APTX: variants seen among roughly 807,000 people sequenced by gnomAD.
APTX encodes forkhead-associated domain histidine triad-like protein.
APTX carries 33 observed loss-of-function variants against 42.3 expected under a neutral mutation model. The observed-to-expected ratio is 0.78, with a 90% CI of 0.59 to 1.04. The LOEUF (loss-of-function observed/expected upper bound fraction) is 1.04, where lower values mean the gene tolerates loss of function less well. APTX is among the 50% of genes least tolerant of loss of function. The pLI is 0.00. For missense variants in APTX, 421 were observed against 415.1 expected (o/e 1.01, Z -0.12); for synonymous variants, 130 against 146.7 (o/e 0.89, Z 0.82).
At chr9:33,022,741 T>C (rs1376713704) in intron 1 of APTX, among the ~76,000 whole-genome samples, 1 of 152,268 alleles carries the variant, frequency 6.6e-6, no homozygotes, top group Non-Finnish European at 1.5e-5. Flanking sequence ...AAACAGCTTG[T>C]ATAATGATCC....
At position 32,986,022 on chromosome 9, in the gene APTX, C is replaced by G. The variant is rs1303491074; in HGVS notation, c.492G>C (p.Leu164=). Residue 164 remains leucine (L), a synonymous_variant, in exon 5 of 8, where the codon CTG becomes CTC. Coordinates refer to ENST00000379817, the MANE Select transcript of APTX (RefSeq NM_001195248.2). Reference sequence around the variant, plus strand: ...TCTTCAAGCCTTGACTCCAGTGGCCCAGGGATTCCTAAAAAAAAAACAAAA... The same window carrying G: ...TCTTCAAGCCTTGACTCCAGTGGCCGAGGGATTCCTAAAAAAAAAACAAAA... ...GKDAPIKKES[L]GHWSQGLKIS... is the part of the protein sequence containing the mutation. 1.4e-6 allele frequency: 2 copies of G among 1,467,358 alleles called. No homozygotes were observed. The highest frequency in any genetic ancestry group is 1.8e-6 in the Non-Finnish European group (2 of 1,081,750). 90.9% of individuals were successfully genotyped at this position (1,467,358 alleles called of 1,614,324 possible). A position where few individuals can be genotyped will look rare whatever the true frequency, so the allele number is the denominator to read the frequency against.
intron 6 of APTX, 66 bp downstream of exon 6, chr9:32,984,565 C>T: frequency 6.6e-7 from 1 of 1,526,380 alleles, no homozygotes; most frequent in Admixed American, 1.7e-5. Flanking sequence ...CTCAGCAAGC[C>T]CAGGCTGAAT....
chr9:32,984,995 G>C (rs1831595871), intron 5 of APTX, 138 bp from the exon 6 acceptor site: 2 of 768,986 alleles, frequency 2.6e-6, no homozygotes. Context: ...AGAGAGGAGA[G>C]CACTGAAATT....
At chr9:33,000,949 G>A (rs1448370486) in intron 1 of APTX, among the ~76,000 whole-genome samples, 1 of 143,504 alleles carries the variant, frequency 7.0e-6, no homozygotes, top group African/African-American at 2.6e-5. Flanking sequence ...CCGGGTTCAA[G>A]AACGTCTCCT....
At position 32,973,330 on chromosome 9, in the gene APTX, G is replaced by T. The variant is rs1478275170; in HGVS notation, c.*168C>A. The T allele has an allele frequency of 8.6e-6, 7 of 813,412 alleles. No individual in the cohort carries two copies. Among genetic ancestry groups the T allele is most frequent in the African/African-American group, 3.4e-5 (2 of 59,190 alleles). 50.4% of individuals were successfully genotyped at this position (813,412 alleles called of 1,614,324 possible). A position where few individuals can be genotyped will look rare whatever the true frequency, so the allele number is the denominator to read the frequency against. ...ACAAACCCAAATTCCTAATCCTGAA[G>T]TACTTTGAGCCACTCTACATTGTGG... On this transcript the variant is annotated 3_prime_UTR_variant, in exon 8 of 8. Transcript: ENST00000379817.
At chr9:32,982,749 C>T (rs558044149) in intron 6 of APTX, among the ~76,000 whole-genome samples, 6 of 152,266 alleles carry the variant, frequency 3.9e-5, no homozygotes, top group South Asian at 2.1e-4. Context: ...ACGATCACTA[C>T]GTGAAAAGGG....
At chr9:32,973,780 G>T in intron 7 of APTX, 128 bp from the exon 8 acceptor site, 4 of 1,251,532 alleles carry the variant, frequency 3.2e-6, no homozygotes, top group Non-Finnish European at 2.3e-6. Flanking sequence ...CTACAGCTCC[G>T]TAAGCTTAGT....
chr9:33,015,876 T>C (rs945803136), intron 1 of APTX: 16 of 152,176 alleles, frequency 1.1e-4, no homozygotes, highest in Non-Finnish European at 2.2e-4. Context: ...GACAACAAGA[T>C]TATGGGGCAA....
At chr9:32,989,938 T>C in intron 1 of APTX, 43 bp from the exon 2 acceptor site, 1 of 1,590,694 alleles carries the variant, frequency 6.3e-7, no homozygotes, top group Non-Finnish European at 8.6e-7. Context: ...ACAGATCCAC[T>C]AGCACGAGTC....
intron 7 of APTX, 90 bp downstream of exon 7, chr9:32,974,368 G>T: frequency 1.2e-6 from 1 of 869,058 alleles, no homozygotes; most frequent in Non-Finnish European, 1.9e-6. Flanking sequence ...GGTTTTTGAG[G>T]TCAGACTGTT....
chr9:32,998,415 C>T (rs1046882338), intron 1 of APTX, among the ~76,000 whole-genome samples: 3 of 152,092 alleles, frequency 2.0e-5, no homozygotes, highest in African/African-American at 7.2e-5. Flanking sequence ...AGCTTCACAT[C>T]CACATGTATG....
intron 1 of APTX, chr9:33,019,803 C>A: frequency 1.6e-6 from 1 of 631,820 alleles, no homozygotes; most frequent in Non-Finnish European, 2.7e-6. Context: ...CAACAGTCTT[C>A]AGCTTTCCAG....
intron 1 of APTX, among the ~76,000 whole-genome samples, chr9:32,995,398 A>G (rs982663674): frequency 1.3e-5 from 2 of 152,224 alleles, no homozygotes; most frequent in African/African-American, 2.4e-5. Flanking sequence ...CAAGACTTCA[A>G]TGGAGGAAGT....
chr9:33,014,857 T>C (rs151262717), intron 1 of APTX, among the ~76,000 whole-genome samples: 4 of 152,358 alleles, frequency 2.6e-5, no homozygotes, highest in Non-Finnish European at 5.9e-5. Flanking sequence ...GCTCCTCACA[T>C]AACACAATGT....
At chr9:32,987,911 C>G in intron 3 of APTX, 65 bp from the exon 4 acceptor site, 2 of 1,576,572 alleles carry the variant, frequency 1.3e-6, no homozygotes, top group Non-Finnish European at 1.7e-6. Flanking sequence ...AAGATAGCCA[C>G]TGCTATGTTA....
At chr9:32,977,536 T>TG (rs1039370188) in intron 6 of APTX, among the ~76,000 whole-genome samples, 9 of 143,102 alleles carry the variant, frequency 6.3e-5, no homozygotes, top group African/African-American at 1.6e-4. Context: ...TTTATAAAAA[T>TG]GGGGGGGAAA....
intron 1 of APTX, among the ~76,000 whole-genome samples, chr9:33,021,977 A>G (rs748073838): frequency 4.0e-4 from 60 of 151,362 alleles, no homozygotes; most frequent in Non-Finnish European, 6.8e-4. Flanking sequence ...AAAAAAAAAA[A>G]AGGGAAACAA....
At chr9:32,990,015 T>G in intron 1 of APTX, 120 bp from the exon 2 acceptor site, 3 of 1,228,102 alleles carry the variant, frequency 2.4e-6, no homozygotes, top group Non-Finnish European at 3.5e-6. Flanking sequence ...GGCAAGTGAC[T>G]TCACCACCCT....
rs1235744690 is a variant in APTX, at chr9:32,972,932, G to C, written c.*566C>G. On this transcript the variant is annotated 3_prime_UTR_variant, in exon 8 of 8. Coordinates refer to ENST00000379817, the MANE Select transcript of APTX (RefSeq NM_001195248.2). ...TTTTCTCACTGTGAAGAACTGATGA[G>C]ACAGAATTCCTGAGAAGGGAACATT... The C allele has an allele frequency of 2.2e-6, 1 of 453,954 alleles. No individual in the cohort carries two copies. Among genetic ancestry groups the C allele is most frequent in the Non-Finnish European group, 4.4e-6 (1 of 226,784 alleles). The allele number at this position is 453,954 out of a possible 1,614,324, so 28.1% of individuals were successfully genotyped here.
Sources: gnomAD v4.1 joint callset for allele counts (sites outside exome capture counted in the v4.1 genomes callset) on GRCh38, gnomAD v4.1.1 for gene constraint, MANE v1.5 for transcripts, NCBI Gene and HGNC (gene_info 2026-07-23, HGNC 2026-07-21) for gene names.